The following PLCG2 variants were observed in gnomAD, a reference collection of about 807,000 sequenced individuals.
The protein encoded by PLCG2 is 1-phosphatidylinositol 4,5-bisphosphate phosphodiesterase gamma-2.
Under a neutral mutation model 175.6 loss-of-function variants are expected in PLCG2, and 69 were observed. The ratio of observed to expected loss-of-function variants is 0.39; its 90% CI spans 0.32 to 0.48. The LOEUF (loss-of-function observed/expected upper bound fraction) is 0.48, where lower values mean the gene tolerates loss of function less well. PLCG2 is among the 20% of genes least tolerant of loss of function. The probability of loss-of-function intolerance (pLI) is 0.91; values close to 1 mark genes in which losing one functional copy is unlikely to be tolerated. For synonymous variants in PLCG2, 827 were observed against 624.0 expected, an observed-to-expected ratio of 1.33 and a Z score of -4.85; for missense variants, 1,798 against 1,650.9, an observed-to-expected ratio of 1.09 and a Z score of -1.54.
intron 2 of PLCG2, among the ~76,000 whole-genome samples, chr16:81,804,708 G>A (rs571095545): frequency 2.6e-5 from 4 of 152,110 alleles, no homozygotes; most frequent in South Asian, 2.1e-4. Flanking sequence ...TTTGGTGACC[G>A]TTTTCCCAGA....
intron 2 of PLCG2, among the ~76,000 whole-genome samples, chr16:81,807,018 C>T (rs764298192): frequency 4.6e-5 from 7 of 152,120 alleles, no homozygotes; most frequent in East Asian, 1.9e-4. Context: ...TATGGCCCCT[C>T]GGGCTGCTCT....
At chr16:81,936,141 T>C in intron 26 of PLCG2, 28 bp from the exon 27 acceptor site, 1 of 1,612,340 alleles carries the variant, frequency 6.2e-7, no homozygotes. Flanking sequence ...GACACAGAAG[T>C]ACTGATGACC....
chr16:81,795,324 T>C (rs894260653), intron 2 of PLCG2, among the ~76,000 whole-genome samples: 2 of 152,112 alleles, frequency 1.3e-5, no homozygotes, highest in African/African-American at 4.8e-5. Flanking sequence ...TCTGTAGAGG[T>C]GATGTTTGAG....
chr16:81,813,389 C>A (rs1904403541), intron 2 of PLCG2, among the ~76,000 whole-genome samples: 1 of 152,172 alleles, frequency 6.6e-6, no homozygotes, highest in Non-Finnish European at 1.5e-5. Context: ...TCCTTCACAT[C>A]CCTTGTAAGT....
chr16:81,899,408 T>C (rs191369457), intron 13 of PLCG2, among the ~76,000 whole-genome samples: 1 of 152,136 alleles, frequency 6.6e-6, no homozygotes, highest in East Asian at 1.9e-4. Flanking sequence ...ATACAGGTGA[T>C]CCTTATTGGT....
chr16:81,934,603 C>A, intron 26 of PLCG2, 72 bp downstream of exon 26: 1 of 894,230 alleles, frequency 1.1e-6, no homozygotes. Context: ...CTGATATTTT[C>A]AGAGGGGGCA....
chr16:81,753,423 T>A (rs1909855068), intron 1 of PLCG2, among the ~76,000 whole-genome samples: 2 of 133,544 alleles, frequency 1.5e-5, no homozygotes, highest in African/African-American at 6.2e-5. Context: ...TTTAATTTAA[T>A]TTTTTTTTTT....
At chr16:81,903,957 G>A (rs1332715708) in intron 14 of PLCG2, among the ~76,000 whole-genome samples, 1 of 152,210 alleles carries the variant, frequency 6.6e-6, no homozygotes, top group East Asian at 1.9e-4. Context: ...CACTTGGCTA[G>A]GCGTGGTCAT....
At chr16:81,848,134 A>C (rs1906219207) in intron 2 of PLCG2, among the ~76,000 whole-genome samples, 1 of 152,244 alleles carries the variant, frequency 6.6e-6, no homozygotes, top group South Asian at 2.1e-4. Context: ...GAAGAATAGA[A>C]AGATTAGTAG....
At chr16:81,905,178 C>T (rs1270887533) in intron 14 of PLCG2, among the ~76,000 whole-genome samples, 4 of 152,236 alleles carry the variant, frequency 2.6e-5, no homozygotes, top group Admixed American at 6.5e-5. Flanking sequence ...TGAGCCACTG[C>T]GCCTGACCAG....
chr16:81,767,870 T>G (rs1257067303), intron 2 of PLCG2: 1 of 152,268 alleles, frequency 6.6e-6, no homozygotes, highest in Non-Finnish European at 1.5e-5. Context: ...TAACCTTTAA[T>G]GCTGGTGTCT....
In PLCG2 at chr16:81,892,320, G is replaced by C. The variant is rs1908675342; in HGVS notation, c.986+730G>C. ...GATGAGATGCTCACAGGGGGCTCTTGGGATGGTTACTCTGATTGCAACAGA... is the reference window on the plus strand; with the variant it reads ...GATGAGATGCTCACAGGGGGCTCTTCGGATGGTTACTCTGATTGCAACAGA... On this transcript the variant is annotated intron_variant, in intron 11 of 32. Transcript: ENST00000564138. 2.0e-5 allele frequency among the ~76,000 whole-genome samples: 3 copies of C among 152,150 alleles called. No homozygotes were observed. The South Asian group carries it at 6.2e-4, about 32-fold the overall frequency.
At chr16:81,895,625 A>T (rs1043003889) in intron 12 of PLCG2, 182 bp from the exon 13 acceptor site, 4 of 595,060 alleles carry the variant, frequency 6.7e-6, no homozygotes, top group Non-Finnish European at 1.2e-5. Context: ...CTGCACTTGC[A>T]TTATGTAAGC....
chr16:81,954,640 T>C (rs1156972265), intron 31 of PLCG2, among the ~76,000 whole-genome samples: 1 of 152,242 alleles, frequency 6.6e-6, no homozygotes, highest in Non-Finnish European at 1.5e-5. Context: ...GCTTCCAGCT[T>C]CATCCATGTC....
intron 2 of PLCG2, among the ~76,000 whole-genome samples, chr16:81,835,993 G>T (rs1407922349): frequency 5.9e-5 from 9 of 152,146 alleles, no homozygotes. Context: ...CATCTGCAAA[G>T]ACCCTATTTC....
intron 3 of PLCG2, among the ~76,000 whole-genome samples, chr16:81,856,953 C>T (rs1319199715): frequency 6.6e-6 from 1 of 152,182 alleles, no homozygotes; most frequent in Admixed American, 6.5e-5. Context: ...TGTAGGCAGC[C>T]TCCAGAAGCT....
At chr16:81,836,029 C>A (rs932661534) in intron 2 of PLCG2, among the ~76,000 whole-genome samples, 9 of 152,126 alleles carry the variant, frequency 5.9e-5, no homozygotes, top group African/African-American at 2.2e-4. Flanking sequence ...TCACACATAC[C>A]AGGGACTGGA....
At chr16:81,935,726 A>G in intron 26 of PLCG2, 1 of 985,312 alleles carries the variant, frequency 1.0e-6, no homozygotes, top group Non-Finnish European at 1.2e-6. Flanking sequence ...TTCCCTGCAC[A>G]GGCACCCACA....
At chr16:81,853,591 G>A (rs80346932) in intron 2 of PLCG2, among the ~76,000 whole-genome samples, 2 of 152,110 alleles carry the variant, frequency 1.3e-5, no homozygotes, top group Non-Finnish European at 2.9e-5. Context: ...TAGGGTTTGC[G>A]CCCCTATGAG....
Sources: gnomAD v4.1 joint callset for allele counts (sites outside exome capture counted in the v4.1 genomes callset) on GRCh38, gnomAD v4.1.1 for gene constraint, MANE v1.5 for transcripts, NCBI Gene and HGNC (gene_info 2026-07-23, HGNC 2026-07-21) for gene names.